RASA2: variants seen among roughly 807,000 people sequenced by gnomAD.
RASA2 encodes ras GTPase-activating protein 2.
In RASA2, 155 loss-of-function variants were observed where a neutral mutation model predicts 118.2. The observed-to-expected ratio is 1.31, with a 90% CI of 1.15 to 1.50. The LOEUF (loss-of-function observed/expected upper bound fraction) is 1.50, where lower values mean the gene tolerates loss of function less well. Ranked by LOEUF, RASA2 falls within the 40% of genes most tolerant of loss-of-function variation. RASA2 has a pLI of 0.00. For synonymous variants in RASA2, 353 were observed against 349.1 expected (o/e 1.01, Z -0.12); for missense variants, 1,016 against 1,009.6 (o/e 1.01, Z -0.09).
chr3:141,588,221 T>C (rs554284083), intron 19 of RASA2, among the ~76,000 whole-genome samples: 9 of 152,338 alleles, frequency 5.9e-5, no homozygotes, highest in African/African-American at 1.9e-4. Context: ...TAGAGGCTTT[T>C]CAAAGCATTT....
intron 19 of RASA2, among the ~76,000 whole-genome samples, chr3:141,607,270 G>T (rs1440875386): frequency 4.6e-5 from 7 of 152,070 alleles, no homozygotes; most frequent in African/African-American, 1.7e-4. Context: ...AATGCACATA[G>T]GTAGTCATAG....
At chr3:141,507,878 C>G (rs2081892172) in intron 1 of RASA2, among the ~76,000 whole-genome samples, 1 of 152,128 alleles carries the variant, frequency 6.6e-6, no homozygotes, top group African/African-American at 2.4e-5. Flanking sequence ...ACAAGAGAGG[C>G]TGGGAAATGT....
intron 14 of RASA2, among the ~76,000 whole-genome samples, chr3:141,575,622 T>C (rs1336382433): frequency 6.6e-6 from 1 of 152,192 alleles, no homozygotes; most frequent in Non-Finnish European, 1.5e-5. Context: ...GTCTGTGGCG[T>C]GGCCAACAGG....
intron 4 of RASA2, among the ~76,000 whole-genome samples, chr3:141,534,259 C>T (rs1038103070): frequency 7.2e-5 from 11 of 152,064 alleles, no homozygotes; most frequent in African/African-American, 7.2e-5. Flanking sequence ...TTAACCAGGC[C>T]GGGTATGGTG....
intron 9 of RASA2, among the ~76,000 whole-genome samples, chr3:141,569,305 AACTCTTGTGAT>A (rs1331592060): frequency 6.6e-6 from 1 of 152,116 alleles, no homozygotes; most frequent in Admixed American, 6.5e-5. Context: ...TAACTCCTGG[AACTCTTGTGAT>A]ATCTTGAATG....
chr3:141,531,645 A>C (rs996197658), intron 4 of RASA2, among the ~76,000 whole-genome samples: 2 of 152,050 alleles, frequency 1.3e-5, no homozygotes, highest in Admixed American at 1.3e-4. Flanking sequence ...TAATATAGTC[A>C]TTTAAAAATT....
intron 1 of RASA2, among the ~76,000 whole-genome samples, chr3:141,502,997 A>C (rs73869643): frequency 0.012 from 1,890 of 152,336 alleles, 42 homozygotes; most frequent in African/African-American, 0.043. Context: ...GATTTATGCC[A>C]GATAACCTTA....
chr3:141,569,188 C>T (rs1411111958), intron 9 of RASA2, among the ~76,000 whole-genome samples: 1 of 151,870 alleles, frequency 6.6e-6, no homozygotes, highest in Non-Finnish European at 1.5e-5. Flanking sequence ...AAGTTTTTTT[C>T]CTGGATGTTT....
rs2082241916 is a variant in RASA2 at position 141,530,263 on chromosome 3, A to C, written c.450+461A>C. 2.0e-5 allele frequency among the ~76,000 whole-genome samples: 3 copies of C among 152,104 alleles called. No homozygotes were observed. In the South Asian group the frequency reaches 6.2e-4, roughly 32 times the overall value. ...CCCACTGTGCACAGCCTTCACTCCCACACCCACCCTTTCCTGTTGTTCACC... is the reference window on the plus strand; with the variant it reads ...CCCACTGTGCACAGCCTTCACTCCCCCACCCACCCTTTCCTGTTGTTCACC... On this transcript the variant is annotated intron_variant, in intron 4 of 23. Transcript: ENST00000286364.
chr3:141,488,818 T>G (rs2081607344), intron 1 of RASA2, among the ~76,000 whole-genome samples: 2 of 152,226 alleles, frequency 1.3e-5, no homozygotes, highest in South Asian at 4.1e-4. Context: ...ATTTTCCAGA[T>G]TTTTACCACT....
chr3:141,515,498 G>C (rs929417929), intron 2 of RASA2, among the ~76,000 whole-genome samples: 14 of 152,114 alleles, frequency 9.2e-5, no homozygotes. Context: ...TCAGTGTTCA[G>C]CTTGGTTTGT....
intron 2 of RASA2, among the ~76,000 whole-genome samples, chr3:141,515,857 G>A (rs577974415): frequency 4.8e-5 from 7 of 145,436 alleles, no homozygotes; most frequent in East Asian, 4.0e-4. Flanking sequence ...CTGAGATCAC[G>A]CCACTGGACT....
chr3:141,570,516 G>A (rs952509539), intron 9 of RASA2, among the ~76,000 whole-genome samples: 2 of 152,054 alleles, frequency 1.3e-5, no homozygotes, highest in African/African-American at 2.4e-5. Flanking sequence ...CACTGCACCC[G>A]GACTGTCTTA....
At chr3:141,592,975 A>G (rs946154303) in intron 19 of RASA2, among the ~76,000 whole-genome samples, 2 of 152,158 alleles carry the variant, frequency 1.3e-5, no homozygotes, top group African/African-American at 2.4e-5. Flanking sequence ...GATAACAATT[A>G]TAAACCTTTA....
intron 1 of RASA2, among the ~76,000 whole-genome samples, chr3:141,490,236 G>A (rs972095611): frequency 2.0e-5 from 3 of 150,280 alleles, no homozygotes; most frequent in African/African-American, 4.9e-5. Flanking sequence ...AAGGAAATTA[G>A]GGGTGTACTC....
chr3:141,599,377 T>C (rs1426712807), intron 19 of RASA2, among the ~76,000 whole-genome samples: 2 of 151,860 alleles, frequency 1.3e-5, no homozygotes, highest in African/African-American at 2.4e-5. Flanking sequence ...GTGTTCCAAC[T>C]CTAACAATCA....
At position 141,574,481 on chromosome 3, in the gene RASA2, C is replaced by T. The variant is rs60700814; in HGVS notation, c.1483+414C>T. On this transcript the variant is annotated intron_variant, in intron 14 of 23. Coordinates refer to ENST00000286364, the MANE Select transcript of RASA2 (RefSeq NM_006506.5). ...CTGGGATTACAGGCGTGAGCCACCA[C>T]GCCCAGCCTAAGGTTTTTAAGTACA... Among the ~76,000 whole-genome samples, 9 of 152,264 alleles carry T rather than the reference C, an allele frequency of 5.9e-5. No homozygotes were observed. The East Asian group carries it at 9.7e-4, about 16-fold the overall frequency.
rs1422895399 is a variant in RASA2 at position 141,570,962 on chromosome 3, A to G, written c.914A>G (p.Asp305Gly). The G allele has an allele frequency of 6.2e-7, 1 of 1,612,062 alleles. No homozygotes were observed. The highest frequency in any genetic ancestry group is 8.5e-7 in the Non-Finnish European group (1 of 1,178,976). ...DNGNKSSKTD[D>G]LGSLRLNICY... ...GGAAACAAGTCATCCAAAACTGATG[A>G]CCTGGGGTCTCTTCGATTAAATATA... Residue 305 changes from aspartate to glycine, a missense_variant, in exon 10 of 24, where the codon GAC (aspartate) becomes GGC (glycine). By Grantham distance (94) the Asp-to-Gly change is moderately conservative (BLOSUM62 -1). Transcript: ENST00000286364.
chr3:141,543,876 C>CTTTTTTTTTTTTTTTTT (rs529631210), intron 5 of RASA2, among the ~76,000 whole-genome samples: 72 of 117,306 alleles, frequency 6.1e-4, no homozygotes, highest in Non-Finnish European at 8.4e-4. Context: ...TTTCTTTTTT[C>CTTTTTTTTTTTTTTTTT]TTTTTTTTTT....
Sources: gnomAD v4.1 joint callset for allele counts (sites outside exome capture counted in the v4.1 genomes callset) on GRCh38, gnomAD v4.1.1 for gene constraint, MANE v1.5 for transcripts, NCBI Gene and HGNC (gene_info 2026-07-23, HGNC 2026-07-21) for gene names.